Variants in ASTN2 observed in about 807,000 individuals in gnomAD.
ASTN2 encodes the protein astrotactin-2.
In ASTN2, 54 loss-of-function variants were observed where a neutral mutation model predicts 139.8. That is an observed-to-expected ratio of 0.39 (90% CI 0.31 to 0.48). The LOEUF is 0.48. Among genes scored for constraint, ASTN2 ranks in the 20% least tolerant of loss-of-function variants. The pLI is 0.95. For synonymous variants in ASTN2, 756 were observed against 719.5 expected (o/e 1.05, Z -0.81); for missense variants, 1,565 against 1,725.1 (o/e 0.91, Z 1.64).
At chr9:116,875,022 A>G (rs971310272) in intron 10 of ASTN2, among the ~76,000 whole-genome samples, 1 of 152,210 alleles carries the variant, frequency 6.6e-6, no homozygotes, top group African/African-American at 2.4e-5. Flanking sequence ...CACAATATTG[A>G]AATCAGGCCT....
At chr9:117,149,069 G>A (rs934011814) in intron 3 of ASTN2, among the ~76,000 whole-genome samples, 5 of 151,606 alleles carry the variant, frequency 3.3e-5, no homozygotes, top group African/African-American at 1.2e-4. Flanking sequence ...GCCCAAGCTG[G>A]AGTGCAATGG....
chr9:116,717,374 A>G (rs980314921), intron 16 of ASTN2, among the ~76,000 whole-genome samples: 2 of 152,132 alleles, frequency 1.3e-5, no homozygotes, highest in Non-Finnish European at 2.9e-5. Flanking sequence ...CACATCCTGT[A>G]TCGTCTTTTT....
At chr9:116,431,458 C>T (rs893623493) in intron 22 of ASTN2, among the ~76,000 whole-genome samples, 8 of 152,058 alleles carry the variant, frequency 5.3e-5, no homozygotes, top group Admixed American at 1.3e-4. Context: ...GTGTCCTCGT[C>T]GGGCTCCATC....
chr9:116,638,050 G>C (rs564644542), intron 17 of ASTN2, among the ~76,000 whole-genome samples: 2 of 152,196 alleles, frequency 1.3e-5, no homozygotes, highest in Non-Finnish European at 2.9e-5. Flanking sequence ...AGCTCTTGCA[G>C]GATATAGGAG....
intron 7 of ASTN2, among the ~76,000 whole-genome samples, chr9:116,996,829 T>G (rs1837035778): frequency 6.6e-6 from 1 of 152,168 alleles, no homozygotes; most frequent in Non-Finnish European, 1.5e-5. Context: ...GCATATATAT[T>G]TAGAACCTTC....
chr9:117,045,996 G>A (rs1297401384), intron 5 of ASTN2, among the ~76,000 whole-genome samples: 4 of 146,912 alleles, frequency 2.7e-5, no homozygotes, highest in East Asian at 4.2e-4. Context: ...ACGTACGTAT[G>A]TATGTATGTA....
intron 19 of ASTN2, among the ~76,000 whole-genome samples, chr9:116,565,423 A>ATT (rs1175112977): frequency 0.013 from 889 of 67,368 alleles, 6 homozygotes; most frequent in Middle Eastern, 0.02. Flanking sequence ...ATATATATAT[A>ATT]TATATATTTA....
At chr9:117,308,614 C>G (rs767769172) in intron 1 of ASTN2, among the ~76,000 whole-genome samples, 3 of 152,036 alleles carry the variant, frequency 2.0e-5, no homozygotes, top group Non-Finnish European at 4.4e-5. Context: ...AGTCATTTTT[C>G]CAGGCTGATC....
chr9:117,385,773 T>A (rs939137084), intron 1 of ASTN2, among the ~76,000 whole-genome samples: 1 of 147,336 alleles, frequency 6.8e-6, no homozygotes, highest in African/African-American at 2.5e-5. Flanking sequence ...ATGGAAAGAG[T>A]GATAAAAAGG....
At chr9:116,898,814 A>C (rs1245125392) in intron 10 of ASTN2, among the ~76,000 whole-genome samples, 1 of 152,154 alleles carries the variant, frequency 6.6e-6, no homozygotes, top group Non-Finnish European at 1.5e-5. Flanking sequence ...GACTAAAGGC[A>C]TGTGCCACCA....
chr9:116,724,828 A>G (rs563517919), intron 16 of ASTN2, among the ~76,000 whole-genome samples: 1 of 152,306 alleles, frequency 6.6e-6, no homozygotes, highest in African/African-American at 2.4e-5. Flanking sequence ...AATAGTATTA[A>G]CTATATCAAG....
intron 10 of ASTN2, among the ~76,000 whole-genome samples, chr9:116,947,582 T>C (rs933131811): frequency 1.3e-5 from 2 of 152,138 alleles, no homozygotes; most frequent in African/African-American, 4.8e-5. Context: ...ATTTCTTTGG[T>C]CCAAATTTAG....
intron 20 of ASTN2, among the ~76,000 whole-genome samples, chr9:116,470,129 G>A (rs1848767479): frequency 6.6e-6 from 1 of 152,038 alleles, no homozygotes; most frequent in South Asian, 2.1e-4. Context: ...GCTTGAACTG[G>A]GGAGGCAGAG....
intron 3 of ASTN2, among the ~76,000 whole-genome samples, chr9:117,163,410 T>G (rs1830597914): frequency 6.6e-6 from 1 of 152,106 alleles, no homozygotes; most frequent in African/African-American, 2.4e-5. Flanking sequence ...GCCATAATAC[T>G]ACTCAACAAG....
At chr9:116,858,936 A>C (rs746020833) in intron 11 of ASTN2, among the ~76,000 whole-genome samples, 1 of 152,170 alleles carries the variant, frequency 6.6e-6, no homozygotes. Context: ...CAGTTCTACA[A>C]TTTAAAAGTC....
intron 10 of ASTN2, among the ~76,000 whole-genome samples, chr9:116,928,711 T>C (rs1834822688): frequency 6.6e-6 from 1 of 151,874 alleles, no homozygotes; most frequent in Non-Finnish European, 1.5e-5. Context: ...CTTGTGGAGG[T>C]ACAAAGGAAT....
intron 11 of ASTN2, among the ~76,000 whole-genome samples, chr9:116,822,309 G>A (rs965910699): frequency 4.6e-5 from 7 of 152,150 alleles, no homozygotes; most frequent in Non-Finnish European, 7.3e-5. Context: ...GAAGAGTGAC[G>A]GAGAAAGTAG....
chr9:117,279,357 C>A (rs543089119), intron 2 of ASTN2, among the ~76,000 whole-genome samples: 1 of 152,264 alleles, frequency 6.6e-6, no homozygotes, highest in East Asian at 1.9e-4. Flanking sequence ...ACCTTCTAGA[C>A]CTTGGTTTTA....
chr9:116,936,125 C>T (rs1377416586), intron 10 of ASTN2, among the ~76,000 whole-genome samples: 4 of 1,108 alleles, frequency 3.6e-3, no homozygotes, highest in South Asian at 0.028. Flanking sequence ...ACCACCACTA[C>T]CACCACCACC....
Sources: allele counts gnomAD v4.1 joint callset (sites outside exome capture counted in the v4.1 genomes callset), GRCh38; gene constraint gnomAD v4.1.1; transcripts MANE v1.5; gene names NCBI Gene and HGNC (gene_info 2026-07-23, HGNC 2026-07-21).